Variants in TENM1 observed in about 807,000 individuals in gnomAD.
TENM1 encodes the protein teneurin transmembrane protein 1.
A neutral mutation model predicts 174.8 loss-of-function variants in TENM1; 35 were observed. The observed-to-expected ratio is 0.20, with a 90% CI of 0.15 to 0.27. The LOEUF is 0.27. Among genes scored for constraint, TENM1 ranks in the 10% least tolerant of loss-of-function variants. TENM1 has a pLI of 1.00. For synonymous variants in TENM1, 781 were observed against 798.7 expected, an observed-to-expected ratio of 0.98 and a Z score of 0.37; for missense variants, 1,633 against 2,130.1, an observed-to-expected ratio of 0.77 and a Z score of 4.59.
intron 17 of TENM1, among the ~76,000 whole-genome samples, chrX:124,522,148 C>T (rs917763360): frequency 1.8e-5 from 2 of 111,687 alleles, no homozygotes; most frequent in East Asian, 5.6e-4. Flanking sequence ...TTTTTTCTCC[C>T]TTTGTAAGCA....
chrX:124,404,139 G>A (rs1447431750), intron 27 of TENM1, among the ~76,000 whole-genome samples: 4 of 111,310 alleles, frequency 3.6e-5, no homozygotes, highest in African/African-American at 1.3e-4. Flanking sequence ...TATTCCTTTT[G>A]CGGCACCGAA....
Position 124,705,346 on chromosome X carries a change from C to A in TENM1, c.777-95G>T. ...TAATTTCAAACAATCATGCTATAGC[C>A]AAGCTCAAGAGAACTGGATGGAGCT... On this transcript the variant is annotated intron_variant, in intron 4 of 31. Transcript: ENST00000422452. 6 of 639,609 alleles carry A rather than the reference C, an allele frequency of 9.4e-6. No individual in the cohort carries two copies. The South Asian group carries it at 1.9e-4, about 20-fold the overall frequency. 52.7% of individuals were successfully genotyped at this position (639,609 alleles called of 1,213,427 possible). A position where few individuals can be genotyped will look rare whatever the true frequency, so the allele number is the denominator to read the frequency against.
chrX:124,961,412 C>A (rs1284009676), intron 1 of TENM1, among the ~76,000 whole-genome samples: 1 of 111,196 alleles, frequency 9.0e-6, no homozygotes, highest in African/African-American at 3.3e-5. Flanking sequence ...GAGGCCGAGG[C>A]GGGCAGATCA....
chrX:124,716,990 T>A (rs1381176501), intron 4 of TENM1, among the ~76,000 whole-genome samples: 2 of 110,870 alleles, frequency 1.8e-5, no homozygotes, highest in Non-Finnish European at 3.8e-5. Context: ...TTGAGTCTCC[T>A]CCAAGCAAAT....
At chrX:124,886,538 T>TAGAG (rs1471672479) in intron 3 of TENM1, among the ~76,000 whole-genome samples, 8 of 91,217 alleles carry the variant, frequency 8.8e-5, no homozygotes, top group African/African-American at 2.9e-4. Context: ...TATATATATA[T>TAGAG]ATATATATAT....
At chrX:124,963,593 C>T in exon 1 of TENM1, 5 of 1,211,684 alleles carry the variant, frequency 4.1e-6, no homozygotes, top group Non-Finnish European at 5.6e-6. Flanking sequence ...GTAATTCATC[C>T]TCAGCTCCTG....
the TENM1 span, among the ~76,000 whole-genome samples, chrX:125,032,330 C>T: frequency 9.1e-6 from 1 of 110,059 alleles, no homozygotes; most frequent in Non-Finnish European, 1.9e-5. Context: ...CCACCACACC[C>T]GGCTAATTTT....
intron 28 of TENM1, among the ~76,000 whole-genome samples, chrX:124,391,385 C>T: frequency 8.9e-6 from 1 of 111,762 alleles, no homozygotes; most frequent in Admixed American, 9.5e-5. Flanking sequence ...TCTTACTGTC[C>T]TCTGGTACCA....
At chrX:124,615,602 C>A (rs940539031) in intron 11 of TENM1, among the ~76,000 whole-genome samples, 1 of 112,202 alleles carries the variant, frequency 8.9e-6, no homozygotes, top group African/African-American at 3.2e-5. Context: ...AAACATCTTA[C>A]AAAATCTAAC....
At chrX:124,964,328 A>G (rs746429434), upstream of TENM1, among the ~76,000 whole-genome samples, 1 of 111,772 alleles carries the variant, frequency 8.9e-6, no homozygotes, top group African/African-American at 3.3e-5. Context: ...TCTGAGTGAG[A>G]GAGCTCATGG....
At chrX:125,179,488 T>C in the TENM1 span, among the ~76,000 whole-genome samples, 7 of 111,693 alleles carry the variant, frequency 6.3e-5, no homozygotes, top group Admixed American at 6.6e-4. Context: ...TGCCCTCTCT[T>C]GCTAGGGTTA....
intron 3 of TENM1, among the ~76,000 whole-genome samples, chrX:124,754,603 C>T (rs2054177433): frequency 9.0e-6 from 1 of 111,260 alleles, no homozygotes; most frequent in Admixed American, 9.6e-5. Context: ...TTGATCTTTT[C>T]TGCTTTCTCT....
chrX:124,670,509 G>A (rs906905428), intron 6 of TENM1, among the ~76,000 whole-genome samples: 2 of 111,583 alleles, frequency 1.8e-5, no homozygotes, highest in African/African-American at 3.3e-5. Context: ...TGAAACTGCT[G>A]GGAAAGGTCA....
the TENM1 span, among the ~76,000 whole-genome samples, chrX:124,990,117 T>C: frequency 1.8e-5 from 2 of 111,497 alleles, no homozygotes; most frequent in African/African-American, 3.3e-5. Flanking sequence ...TTGACTAAAA[T>C]GGGGTATACC....
intron 11 of TENM1, among the ~76,000 whole-genome samples, chrX:124,568,077 C>T (rs1371123387): frequency 2.7e-5 from 3 of 111,742 alleles, no homozygotes; most frequent in Admixed American, 9.6e-5. Flanking sequence ...TCTATATAAA[C>T]CATTAGAAAT....
intron 3 of TENM1, among the ~76,000 whole-genome samples, chrX:124,772,501 A>C (rs1196359713): frequency 8.9e-6 from 1 of 112,073 alleles, no homozygotes; most frequent in African/African-American, 3.2e-5. Flanking sequence ...AGTACTGTCA[A>C]AAGTTTTTAA....
the TENM1 span, among the ~76,000 whole-genome samples, chrX:125,077,589 A>C: frequency 4.5e-5 from 5 of 111,317 alleles, no homozygotes; most frequent in African/African-American, 1.6e-4. Context: ...GGGACTAAGA[A>C]AACCCATTCA....
exon 17 of TENM1, chrX:124,523,564 G>C: frequency 8.3e-7 from 1 of 1,211,685 alleles, no homozygotes; most frequent in African/African-American, 1.7e-5. Flanking sequence ...TTCTCAGGCA[G>C]GAAAGGGGAT....
intron 1 of TENM1, among the ~76,000 whole-genome samples, chrX:124,925,244 G>T (rs1195438119): frequency 9.1e-6 from 1 of 110,168 alleles, no homozygotes; most frequent in African/African-American, 3.3e-5. Flanking sequence ...TTCATGAGAG[G>T]CATCTTTCCC....
Sources: allele counts gnomAD v4.1 joint callset (sites outside exome capture counted in the v4.1 genomes callset), GRCh38; gene constraint gnomAD v4.1.1; transcripts MANE v1.5; gene names NCBI Gene and HGNC (gene_info 2026-07-23, HGNC 2026-07-21).